PDE1C: variants seen among roughly 807,000 people sequenced by gnomAD.
PDE1C encodes phosphodiesterase 1C.
In PDE1C, 62 loss-of-function variants were observed where a neutral mutation model predicts 93.1. That is an observed-to-expected ratio of 0.67 (90% CI 0.54 to 0.82). The LOEUF (loss-of-function observed/expected upper bound fraction) is 0.82, where lower values mean the gene tolerates loss of function less well. PDE1C is among the 40% of genes least tolerant of loss of function. The pLI is 0.00. For missense variants in PDE1C, 742 were observed against 884.6 expected (o/e 0.84, Z 2.04); for synonymous variants, 325 against 310.1 (o/e 1.05, Z -0.50).
chr7:32,209,004 C>T (rs1325718629), intron 2 of PDE1C, among the ~76,000 whole-genome samples: 1 of 152,196 alleles, frequency 6.6e-6, no homozygotes, highest in East Asian at 1.9e-4. Flanking sequence ...GGTGATGATG[C>T]CTTCATAGCT....
chr7:32,321,811 T>G (rs1314474652), intron 1 of PDE1C, among the ~76,000 whole-genome samples: 3 of 152,230 alleles, frequency 2.0e-5, no homozygotes. Flanking sequence ...ATCCACATTC[T>G]ACAAACCCTA....
chr7:32,317,585 A>AG (rs1273272057), intron 1 of PDE1C, among the ~76,000 whole-genome samples: 1 of 148,912 alleles, frequency 6.7e-6, no homozygotes. Context: ...AGAAAGTGAT[A>AG]GTTTTTTTTT....
At chr7:31,680,722 G>GA in the PDE1C span, among the ~76,000 whole-genome samples, 1 of 32,750 alleles carries the variant, frequency 3.1e-5, no homozygotes, top group South Asian at 8.2e-4. Flanking sequence ...GGGACCTCAT[G>GA]GTCTGAGTCT....
At chr7:31,921,951 G>A (rs987544385) in intron 2 of PDE1C, among the ~76,000 whole-genome samples, 2 of 152,040 alleles carry the variant, frequency 1.3e-5, no homozygotes, top group Non-Finnish European at 1.5e-5. Flanking sequence ...ATACGTATTT[G>A]TATCCATTCT....
At position 31,837,249 on chromosome 7, in the gene PDE1C, G is replaced by A; in HGVS notation, c.1134C>T (p.Ser378=). 6.2e-7 allele frequency: 1 copy of A among 1,613,714 alleles called. No individual in the cohort carries two copies. Among genetic ancestry groups the A allele is most frequent in the South Asian group, 1.1e-5 (1 of 91,056 alleles). The stretch of plus-strand genomic sequence containing the variant: ...GGAGGTCCCATGCTTTTGCTGGATG[G>A]CTAATATCTGCTGTATGCAGCATAA... The part of the protein sequence containing the change: ...LSLMLHTADI[S]HPAKAWDLHH... Residue 378 remains serine (S), a synonymous_variant, in exon 11 of 18, where the codon AGC becomes AGT. Transcript: ENST00000396191.
At chr7:31,977,066 T>C (rs1233543275) in intron 2 of PDE1C, among the ~76,000 whole-genome samples, 2 of 152,198 alleles carry the variant, frequency 1.3e-5, no homozygotes, top group Non-Finnish European at 2.9e-5. Context: ...AAACACTAAA[T>C]TTAAGAATTA....
intron 1 of PDE1C, among the ~76,000 whole-genome samples, chr7:32,235,095 G>GTGCA (rs1444938480): frequency 1.3e-5 from 2 of 151,956 alleles, no homozygotes; most frequent in Non-Finnish European, 2.9e-5. Flanking sequence ...GAACAGAAAG[G>GTGCA]TGCATCCTTA....
intron 7 of PDE1C, among the ~76,000 whole-genome samples, chr7:31,852,537 G>A (rs556165384): frequency 2.6e-4 from 39 of 152,206 alleles, no homozygotes; most frequent in African/African-American, 8.9e-4. Context: ...GGCCCCCCAT[G>A]TGGCAGGCAC....
the PDE1C span, among the ~76,000 whole-genome samples, chr7:31,715,940 T>C: frequency 6.6e-6 from 1 of 152,174 alleles, no homozygotes; most frequent in Non-Finnish European, 1.5e-5. Context: ...TACTTGTGCA[T>C]AGGTCTTAGA....
At chr7:31,777,649 G>A (rs566201134) in intron 16 of PDE1C, among the ~76,000 whole-genome samples, 1 of 152,042 alleles carries the variant, frequency 6.6e-6, no homozygotes, top group South Asian at 2.1e-4. Context: ...TAAACAACAG[G>A]GCACCAATCC....
the PDE1C span, among the ~76,000 whole-genome samples, chr7:31,741,159 A>G: frequency 6.6e-6 from 1 of 151,442 alleles, no homozygotes; most frequent in Non-Finnish European, 1.5e-5. Flanking sequence ...TTTTAGTCTC[A>G]GCTTTGTGGT....
chr7:32,329,514 T>C (rs1433974175), intron 1 of PDE1C, among the ~76,000 whole-genome samples: 6 of 152,194 alleles, frequency 3.9e-5, no homozygotes, highest in African/African-American at 1.4e-4. Flanking sequence ...TGGGCCACTT[T>C]ATGTAGGTTT....
At chr7:32,124,966 T>C (rs1205744266) in intron 3 of PDE1C, among the ~76,000 whole-genome samples, 6 of 152,192 alleles carry the variant, frequency 3.9e-5, no homozygotes, top group African/African-American at 1.4e-4. Flanking sequence ...TTTTGCAATC[T>C]TTCCATCTGA....
the PDE1C span, among the ~76,000 whole-genome samples, chr7:31,713,425 C>A: frequency 6.6e-6 from 1 of 152,224 alleles, no homozygotes; most frequent in Non-Finnish European, 1.5e-5. Context: ...TCCCCCCTGG[C>A]TGCTTTCACA....
At chr7:31,632,175 G>A in the PDE1C span, among the ~76,000 whole-genome samples, 1 of 152,200 alleles carries the variant, frequency 6.6e-6, no homozygotes, top group South Asian at 2.1e-4. Flanking sequence ...GAGGCAGGGC[G>A]TGGTGGCTCA....
intron 2 of PDE1C, among the ~76,000 whole-genome samples, chr7:31,935,658 T>C (rs1804946015): frequency 6.6e-6 from 1 of 152,146 alleles, no homozygotes; most frequent in Non-Finnish European, 1.5e-5. Context: ...CTCAGTCCCT[T>C]GTCTCAGAGG....
At position 31,988,288 on chromosome 7, in the gene PDE1C, T is replaced by C. The variant is rs944232881; in HGVS notation, c.128+63266A>G. On this transcript the variant is annotated intron_variant, in intron 2 of 17. Coordinates refer to ENST00000396191, the MANE Select transcript of PDE1C (RefSeq NM_001191057.4). Reference sequence around the variant, plus strand: ...CTACAGTAAAGAGCACCTTCATCAATAGCCCTAAGTTAAACCCTTGGGCCT... The same window carrying C: ...CTACAGTAAAGAGCACCTTCATCAACAGCCCTAAGTTAAACCCTTGGGCCT... Among the ~76,000 whole-genome samples, 3 of 152,310 alleles carry C rather than the reference T, an allele frequency of 2.0e-5. No homozygotes were observed. The East Asian group carries it at 5.8e-4, about 29-fold the overall frequency.
intron 9 of PDE1C, among the ~76,000 whole-genome samples, chr7:31,846,151 C>T (rs548111930): frequency 6.6e-6 from 1 of 151,834 alleles, no homozygotes; most frequent in Admixed American, 6.6e-5. Context: ...TGTTCTAAAG[C>T]TTGCATAATT....
intron 2 of PDE1C, among the ~76,000 whole-genome samples, chr7:31,926,069 A>C (rs1803338822): frequency 6.6e-6 from 1 of 152,070 alleles, no homozygotes; most frequent in Non-Finnish European, 1.5e-5. Flanking sequence ...TGTAAACAGA[A>C]TATTATGCTT....
Sources: allele counts gnomAD v4.1 joint callset (sites outside exome capture counted in the v4.1 genomes callset), GRCh38; gene constraint gnomAD v4.1.1; transcripts MANE v1.5; gene names NCBI Gene and HGNC (gene_info 2026-07-23, HGNC 2026-07-21).